The following CNTN5 variants were observed in gnomAD, a reference collection of about 807,000 sequenced individuals.
CNTN5 encodes the protein contactin 5, also known as contactin-5.
A neutral mutation model predicts 129.1 loss-of-function variants in CNTN5; 77 were observed. That is an observed-to-expected ratio of 0.60 (90% CI 0.50 to 0.72). The LOEUF is 0.72. Ranked by LOEUF, CNTN5 falls within the 30% of genes least tolerant of loss-of-function variation. CNTN5 has a pLI of 0.00. For missense variants in CNTN5, 1,478 were observed against 1,328.8 expected (o/e 1.11, Z -1.75); for synonymous variants, 509 against 465.6 (o/e 1.09, Z -1.20).
chr11:99,533,824 T>C (rs183938529), intron 2 of CNTN5, among the ~76,000 whole-genome samples: 1 of 152,156 alleles, frequency 6.6e-6, no homozygotes, highest in Admixed American at 6.5e-5. Flanking sequence ...GCGAACTGGA[T>C]AGAGACTGAG....
intron 3 of CNTN5, among the ~76,000 whole-genome samples, chr11:99,773,388 T>A (rs1434315156): frequency 6.6e-6 from 1 of 152,108 alleles, no homozygotes; most frequent in East Asian, 1.9e-4. Context: ...AGCTTAAAGA[T>A]CTTGTTCATA....
At chr11:99,285,738 A>G (rs925034160) in intron 1 of CNTN5, among the ~76,000 whole-genome samples, 2 of 152,130 alleles carry the variant, frequency 1.3e-5, no homozygotes, top group African/African-American at 2.4e-5. Flanking sequence ...TGAAAAATGC[A>G]TATGAAAAGC....
At chr11:100,326,734 T>C (rs1432053208) in intron 21 of CNTN5, among the ~76,000 whole-genome samples, 2 of 152,182 alleles carry the variant, frequency 1.3e-5, no homozygotes, top group Non-Finnish European at 2.9e-5. Context: ...AATAATTATA[T>C]TAAAAATTAA....
intron 4 of CNTN5, among the ~76,000 whole-genome samples, chr11:99,832,010 T>C (rs1463991362): frequency 1.3e-5 from 2 of 152,134 alleles, no homozygotes; most frequent in African/African-American, 4.8e-5. Flanking sequence ...TCAAGTTCCT[T>C]GTCTCCTTTG....
At position 99,705,418 on chromosome 11, in the gene CNTN5, A is replaced by G. The variant is rs866887927; in HGVS notation, c.56-114126A>G. ...TCCCTTTTCCTACAGAAAAGACTCC[A>G]TGCCTACATGCCCCTGATAAATTCA... On this transcript the variant is annotated intron_variant, in intron 3 of 24. Coordinates refer to ENST00000524871, the MANE Select transcript of CNTN5 (RefSeq NM_014361.4). Among the ~76,000 whole-genome samples the G allele has an allele frequency of 2.2e-4, 33 of 151,458 alleles. 1 individual carries two copies. The Middle Eastern group carries it at 0.02, about 94-fold the overall frequency.
intron 6 of CNTN5, among the ~76,000 whole-genome samples, chr11:99,866,551 A>G (rs750544279): frequency 3.9e-5 from 6 of 152,164 alleles, no homozygotes; most frequent in Admixed American, 1.3e-4. Context: ...TCTGCTATGC[A>G]TGGTAGATTT....
intron 6 of CNTN5, among the ~76,000 whole-genome samples, chr11:99,907,474 A>G (rs17680055): frequency 0.26 from 39,317 of 151,736 alleles, 5,308 homozygotes; most frequent in African/African-American, 0.34. Flanking sequence ...CCAGTTGCCT[A>G]TTATTTTCCA....
chr11:100,120,546 C>T (rs1307124406), intron 13 of CNTN5, among the ~76,000 whole-genome samples: 2 of 151,810 alleles, frequency 1.3e-5, no homozygotes, highest in Non-Finnish European at 2.9e-5. Flanking sequence ...TCCATTTAAT[C>T]CTGGTTTTTC....
intron 1 of CNTN5, among the ~76,000 whole-genome samples, chr11:99,152,513 C>T (rs1360609152): frequency 1.3e-5 from 2 of 152,112 alleles, no homozygotes; most frequent in African/African-American, 4.8e-5. Context: ...TTCTCCATCC[C>T]TTTACTTTGA....
intron 3 of CNTN5, among the ~76,000 whole-genome samples, chr11:99,674,691 C>A (rs1001034345): frequency 6.6e-6 from 1 of 152,066 alleles, no homozygotes; most frequent in Non-Finnish European, 1.5e-5. Flanking sequence ...AGGATTGTCT[C>A]GAGGCTTTTC....
At chr11:100,242,409 C>T (rs567565364) in intron 16 of CNTN5, among the ~76,000 whole-genome samples, 6 of 152,112 alleles carry the variant, frequency 3.9e-5, no homozygotes, top group Non-Finnish European at 8.8e-5. Flanking sequence ...AAGTCATAAG[C>T]AGTCACCTTC....
At chr11:99,478,530 A>G (rs1307098964) in intron 2 of CNTN5, among the ~76,000 whole-genome samples, 1 of 152,112 alleles carries the variant, frequency 6.6e-6, no homozygotes, top group Non-Finnish European at 1.5e-5. Context: ...GAGATTACAA[A>G]AGGGTGTGAG....
intron 3 of CNTN5, among the ~76,000 whole-genome samples, chr11:99,727,312 CAAAAAAAAAAAAAAA>C (rs397936738): frequency 4.1e-5 from 1 of 24,312 alleles, no homozygotes; most frequent in African/African-American, 1.6e-4. Flanking sequence ...GACTCCGTCT[CAAAAAAAAAAAAAAA>C]AAAAAAATTC....
At chr11:99,495,354 C>A (rs7104069) in intron 2 of CNTN5, among the ~76,000 whole-genome samples, 37,844 of 152,040 alleles carry the variant, frequency 0.25, 5,214 homozygotes, top group East Asian at 0.43. Flanking sequence ...GGCAACAGAG[C>A]GAGACTTTGT....
At chr11:99,906,878 G>A (rs548297639) in intron 6 of CNTN5, among the ~76,000 whole-genome samples, 1 of 151,644 alleles carries the variant, frequency 6.6e-6, no homozygotes, top group South Asian at 2.1e-4. Flanking sequence ...TCTTGGAAGG[G>A]TGTATATGTC....
At chr11:99,520,217 T>C (rs1219133096) in intron 2 of CNTN5, among the ~76,000 whole-genome samples, 1 of 152,146 alleles carries the variant, frequency 6.6e-6, no homozygotes, top group East Asian at 1.9e-4. Context: ...ACTCTAAATA[T>C]AAAGTGAGAG....
At chr11:99,511,615 G>A (rs1205343097) in intron 2 of CNTN5, among the ~76,000 whole-genome samples, 3 of 151,724 alleles carry the variant, frequency 2.0e-5, no homozygotes, top group Admixed American at 1.3e-4. Flanking sequence ...TTTCTGTCTC[G>A]TTGATCTGTC....
At chr11:99,185,276 G>A (rs987406986) in intron 1 of CNTN5, among the ~76,000 whole-genome samples, 2 of 40,550 alleles carry the variant, frequency 4.9e-5, no homozygotes, top group African/African-American at 1.5e-4. Flanking sequence ...AGGGTGAATC[G>A]ATAACTAAAG....
intron 1 of CNTN5, among the ~76,000 whole-genome samples, chr11:99,035,330 A>C (rs2135111600): frequency 6.6e-6 from 1 of 151,068 alleles, no homozygotes; most frequent in South Asian, 2.1e-4. Context: ...ATCCTTGTTG[A>C]CTTTCTGTCT....
Sources: allele counts gnomAD v4.1 joint callset (sites outside exome capture counted in the v4.1 genomes callset), GRCh38; gene constraint gnomAD v4.1.1; transcripts MANE v1.5; gene names NCBI Gene and HGNC (gene_info 2026-07-23, HGNC 2026-07-21).